The following ENOX2 variants were observed in gnomAD, a reference collection of about 807,000 sequenced individuals.
ENOX2 encodes the protein APK1 antigen.
ENOX2 carries 36 observed loss-of-function variants against 45.0 expected under a neutral mutation model. The observed-to-expected ratio is 0.80, with a 90% CI of 0.61 to 1.06. The LOEUF (loss-of-function observed/expected upper bound fraction) is 1.06. ENOX2 is among the 50% of genes least tolerant of loss of function. The pLI is 0.00. For missense variants in ENOX2, 423 were observed against 462.5 expected (o/e 0.91, Z 0.78); for synonymous variants, 174 against 152.3 (o/e 1.14, Z -1.05).
intron 3 of ENOX2, among the ~76,000 whole-genome samples, chrX:130,771,490 G>A (rs941176407): frequency 1.7e-4 from 19 of 110,860 alleles, no homozygotes; most frequent in Admixed American, 3.8e-4. Context: ...AGTTTTTTTC[G>A]TTTCTAGGCT....
intron 10 of ENOX2, chrX:130,645,839 G>T: frequency 1.4e-6 from 1 of 696,239 alleles, no homozygotes; most frequent in East Asian, 3.2e-5. Context: ...GGCAGGAGGA[G>T]AGGGCAGTGA....
intron 3 of ENOX2, among the ~76,000 whole-genome samples, chrX:130,719,445 C>T (rs2038415539): frequency 9.4e-6 from 1 of 106,709 alleles, no homozygotes; most frequent in African/African-American, 3.5e-5. Context: ...CAGCCACATG[C>T]CCATCTGCTG....
intron 4 of ENOX2, among the ~76,000 whole-genome samples, chrX:130,696,761 A>G (rs1424791231): frequency 9.0e-6 from 1 of 111,422 alleles, no homozygotes; most frequent in African/African-American, 3.3e-5. Flanking sequence ...ACACACACAC[A>G]CACATTATTA....
At chrX:130,775,049 A>C (rs995471399) in intron 3 of ENOX2, among the ~76,000 whole-genome samples, 1 of 112,151 alleles carries the variant, frequency 8.9e-6, no homozygotes, top group Non-Finnish European at 1.9e-5. Context: ...GAGTACCATA[A>C]AAACTTCTCT....
chrX:130,737,454 A>G (rs1475238840), intron 3 of ENOX2, among the ~76,000 whole-genome samples: 1 of 110,278 alleles, frequency 9.1e-6, no homozygotes, highest in African/African-American at 3.4e-5. Flanking sequence ...GCGCGTGCGC[A>G]CGCACACACA....
intron 9 of ENOX2, among the ~76,000 whole-genome samples, chrX:130,657,037 C>T (rs2036566672): frequency 9.0e-6 from 1 of 111,614 alleles, no homozygotes; most frequent in African/African-American, 3.3e-5. Context: ...GCCATTTTCA[C>T]CTCCCCACGT....
chrX:130,810,952 C>T lies in ENOX2; in HGVS notation c.-182-27262G>A, dbSNP rs985402879. Among the ~76,000 whole-genome samples the T allele has an allele frequency of 1.4e-4, 16 of 112,200 alleles. No homozygotes were observed. In the South Asian group the frequency reaches 4.1e-3, roughly 29 times the overall value. On this transcript the variant is annotated intron_variant, in intron 2 of 14. Transcript: ENST00000394363. ...CATCAGACTAGCCTCAGGTTCAAGG[C>T]TAGTCTCTGTTACCCAAGGCTTCAG...
chrX:130,831,463 C>T (rs766278893), intron 2 of ENOX2, among the ~76,000 whole-genome samples: 1 of 111,179 alleles, frequency 9.0e-6, no homozygotes, highest in African/African-American at 3.3e-5. Flanking sequence ...GTTTACCTCT[C>T]CCAACTTCAT....
chrX:130,631,427 C>T, intron 13 of ENOX2, 41 bp downstream of exon 13: 1 of 753,647 alleles, frequency 1.3e-6, no homozygotes, highest in Non-Finnish European at 2.1e-6. Flanking sequence ...CTCCATTGTA[C>T]CCAGGCATTG....
chrX:130,719,067 C>T (rs567552989), intron 3 of ENOX2, among the ~76,000 whole-genome samples: 8 of 112,094 alleles, frequency 7.1e-5, no homozygotes, highest in Admixed American at 4.7e-4. Context: ...TTAACATAAC[C>T]ATTTGCATGT....
At chrX:130,815,160 T>C (rs748578757) in intron 2 of ENOX2, among the ~76,000 whole-genome samples, 42 of 110,722 alleles carry the variant, frequency 3.8e-4, no homozygotes, top group Non-Finnish European at 7.6e-4. Context: ...AGATCAAAGA[T>C]CAACTTAATG....
At chrX:130,831,228 C>T (rs746776598) in intron 2 of ENOX2, among the ~76,000 whole-genome samples, 3 of 111,389 alleles carry the variant, frequency 2.7e-5, no homozygotes, top group Admixed American at 9.5e-5. Context: ...TGGCAATGAC[C>T]TAATCATCTC....
rs1410441432 is a variant in ENOX2, at chrX:130,700,099, G to T, written c.97+3021C>A. Among the ~76,000 whole-genome samples, 9 of 111,835 alleles carry T rather than the reference G, an allele frequency of 8.0e-5. No homozygotes were observed. In the Admixed American group the frequency reaches 8.5e-4, roughly 11 times the overall value. On this transcript the variant is annotated intron_variant, in intron 4 of 14. Transcript: ENST00000394363. The stretch of plus-strand genomic sequence containing the variant: ...TAGAGAAGTGAAGTAACTTGTCAAC[G>T]GTCACACAACTAGTTAATGACAGAG...
intron 3 of ENOX2, among the ~76,000 whole-genome samples, chrX:130,733,606 A>G (rs1029313314): frequency 3.5e-5 from 4 of 112,731 alleles, no homozygotes; most frequent in Non-Finnish European, 7.5e-5. Flanking sequence ...AAGCCCTACA[A>G]TGGAATACTC....
At chrX:130,696,529 T>C (rs2037767023) in intron 4 of ENOX2, among the ~76,000 whole-genome samples, 1 of 112,119 alleles carries the variant, frequency 8.9e-6, no homozygotes, top group Non-Finnish European at 1.9e-5. Flanking sequence ...AAATAAAAAA[T>C]ATAGGAAGTC....
rs140974629 is a variant in ENOX2, at chrX:130,762,089, C to T, written c.-39+21458G>A. ...TTCTTATCTTTAGTATTTCTTCCTC[C>T]GTCTTGATTTTAGTTTATTTTGTTC... On this transcript the variant is annotated intron_variant, in intron 3 of 14. Coordinates refer to ENST00000394363, the MANE Select transcript of ENOX2 (RefSeq NM_006375.4). Among the ~76,000 whole-genome samples, 1,047 of 111,320 alleles carry T rather than the reference C, an allele frequency of 9.4e-3. 11 individuals carry two copies. Among genetic ancestry groups the T allele is most frequent in the African/African-American group, 0.032 (969 of 30,590 alleles).
intron 3 of ENOX2, among the ~76,000 whole-genome samples, chrX:130,755,674 T>A (rs931288312): frequency 9.0e-6 from 1 of 110,962 alleles, no homozygotes; most frequent in Non-Finnish European, 1.9e-5. Flanking sequence ...TGCATAATAA[T>A]CACATCATGA....
chrX:130,795,977 A>G (rs750332359), intron 2 of ENOX2, among the ~76,000 whole-genome samples: 41 of 108,792 alleles, frequency 3.8e-4, no homozygotes, highest in Admixed American at 6.9e-4. Context: ...TCATTCTAAT[A>G]TGTGTGTGTG....
At chrX:130,772,433 C>A (rs947117671) in intron 3 of ENOX2, among the ~76,000 whole-genome samples, 2 of 111,554 alleles carry the variant, frequency 1.8e-5, no homozygotes, top group Non-Finnish European at 3.8e-5. Context: ...AGCTTGCCAG[C>A]AGAACCACTG....
Sources: gnomAD v4.1 joint callset for allele counts (sites outside exome capture counted in the v4.1 genomes callset) on GRCh38, gnomAD v4.1.1 for gene constraint, MANE v1.5 for transcripts, NCBI Gene and HGNC (gene_info 2026-07-23, HGNC 2026-07-21) for gene names.